ZFYVE16: variants seen among roughly 807,000 people sequenced by gnomAD.
ZFYVE16 encodes zinc finger FYVE domain-containing protein 16.
In ZFYVE16, 89 loss-of-function variants were observed where a neutral mutation model predicts 138.1. That is an observed-to-expected ratio of 0.64 (90% CI 0.54 to 0.77). The LOEUF (loss-of-function observed/expected upper bound fraction) is 0.77, where lower values mean the gene tolerates loss of function less well. Ranked by LOEUF, ZFYVE16 falls within the 30% of genes least tolerant of loss-of-function variation. The probability of loss-of-function intolerance (pLI) is 0.00; values close to 1 mark genes in which losing one functional copy is unlikely to be tolerated. For synonymous variants in ZFYVE16, 596 were observed against 618.3 expected (o/e 0.96, Z 0.53); for missense variants, 1,793 against 1,786.7 (o/e 1.00, Z -0.06).
In ZFYVE16 at chr5:80,481,334, C is replaced by T. The variant is rs1190466321; in HGVS notation, c.*3957C>T. The stretch of plus-strand genomic sequence containing the variant: ...AGGTAAGATCACAAATAGGAGGGAA[C>T]TGAAGAAAAGGAACCCTTAAATCTG... On this transcript the variant is annotated 3_prime_UTR_variant, in exon 19 of 19. Transcript: ENST00000505560. Among the ~76,000 whole-genome samples, 1 of 152,148 alleles carries T rather than the reference C, an allele frequency of 6.6e-6. No homozygotes were observed. Among genetic ancestry groups the T allele is most frequent in the African/African-American group, 2.4e-5 (1 of 41,424 alleles).
intron 1 of ZFYVE16, among the ~76,000 whole-genome samples, chr5:80,417,361 A>G (rs932095759): frequency 4.6e-5 from 7 of 152,156 alleles, no homozygotes; most frequent in Non-Finnish European, 1.0e-4. Context: ...AGGATCCCCC[A>G]TTCTCCTAAA....
At chr5:80,451,877 T>C in intron 11 of ZFYVE16, 168 bp downstream of exon 11, 1 of 621,506 alleles carries the variant, frequency 1.6e-6, no homozygotes, top group Non-Finnish European at 2.7e-6. Context: ...TTGGTCTAGA[T>C]AACTGTGGTA....
At chr5:80,456,403 A>T in intron 12 of ZFYVE16, 58 bp from the exon 13 acceptor site, 1 of 1,287,760 alleles carries the variant, frequency 7.8e-7, no homozygotes, top group Non-Finnish European at 1.1e-6. Context: ...AGAAGGATTT[A>T]ATGGATAGAA....
At chr5:80,424,226 G>A (rs907094197) in intron 1 of ZFYVE16, among the ~76,000 whole-genome samples, 6 of 152,066 alleles carry the variant, frequency 3.9e-5, no homozygotes, top group Non-Finnish European at 8.8e-5. Context: ...TTCAATATAT[G>A]CATTTTTAAT....
At chr5:80,409,928 A>G (rs1457567949) in intron 1 of ZFYVE16, 1 of 152,138 alleles carries the variant, frequency 6.6e-6, no homozygotes, top group Non-Finnish European at 1.5e-5. Flanking sequence ...TATGCGTGCT[A>G]GTGTTTTTTC....
chr5:80,438,014 CCTT>C lies in ZFYVE16; in HGVS notation c.1331_1333del (p.Leu444del). On this transcript the variant is annotated inframe_deletion, in exon 4 of 19. Transcript: ENST00000505560. ...AACAGGAAAAATGTAAAAGCATACT[CCTT>C]CAGTCATTAATTGAAGGGATGGAAG... 6.2e-7 allele frequency: 1 copy of C among 1,614,010 alleles called. No individual in the cohort carries two copies. Among genetic ancestry groups the C allele is most frequent in the South Asian group, 1.1e-5 (1 of 91,066 alleles).
intron 18 of ZFYVE16, among the ~76,000 whole-genome samples, chr5:80,476,422 A>G (rs2112564450): frequency 6.6e-6 from 1 of 152,276 alleles, no homozygotes; most frequent in South Asian, 2.1e-4. Context: ...TTGGCCTCCC[A>G]AAGTGTTGAG....
chr5:80,409,356 G>A (rs1235832779), intron 1 of ZFYVE16, among the ~76,000 whole-genome samples: 2 of 152,172 alleles, frequency 1.3e-5, no homozygotes, highest in African/African-American at 4.8e-5. Context: ...TTACATGATA[G>A]AATAGTGCTA....
rs187795660 is a variant in ZFYVE16, at chr5:80,469,131, G to T, written c.4025-3630G>T. ...TTTTTGAGACTCATTCTCACCCAGG[G>T]TCTCATTCTCACCCAGGCGGGAGTG... On this transcript the variant is annotated intron_variant, in intron 15 of 18. Transcript: ENST00000505560. 2.7e-5 allele frequency among the ~76,000 whole-genome samples: 4 copies of T among 147,288 alleles called. No individual in the cohort carries two copies. In the Admixed American group the frequency reaches 2.7e-4, roughly 10 times the overall value.
At position 80,481,305 on chromosome 5, in the gene ZFYVE16, GTA is replaced by G. The variant is rs1381025905; in HGVS notation, c.*3931_*3932del. The stretch of plus-strand genomic sequence containing the variant: ...CAAGAATGGGGTTCTAGAAACCAGA[GTA>G]TAGGTAAGATCACAAATAGGAGGGA... On this transcript the variant is annotated 3_prime_UTR_variant, in exon 19 of 19. Transcript: ENST00000505560. Among the ~76,000 whole-genome samples, 1 of 152,224 alleles carries G rather than the reference GTA, an allele frequency of 6.6e-6. No individual in the cohort carries two copies. Among genetic ancestry groups the G allele is most frequent in the Non-Finnish European group, 1.5e-5 (1 of 68,034 alleles).
Position 80,418,963 on chromosome 5 carries a change from A to G in ZFYVE16, c.-93-8529A>G, listed in dbSNP as rs528636428. 2.0e-5 allele frequency among the ~76,000 whole-genome samples: 3 copies of G among 151,946 alleles called. No homozygotes were observed. The South Asian group carries it at 6.2e-4, about 31-fold the overall frequency. Reference sequence around the variant, plus strand: ...AGGTGTAATGTCTGTGTCTAGGTTCATATTTTTCATAGAGATGTCCAGTTT... The same window carrying G: ...AGGTGTAATGTCTGTGTCTAGGTTCGTATTTTTCATAGAGATGTCCAGTTT... On this transcript the variant is annotated intron_variant, in intron 1 of 18. Transcript: ENST00000505560.
intron 14 of ZFYVE16, among the ~76,000 whole-genome samples, chr5:80,458,519 A>G (rs1330386452): frequency 2.0e-5 from 3 of 152,250 alleles, no homozygotes; most frequent in Admixed American, 6.5e-5. Flanking sequence ...TTGTTAACAC[A>G]CTTTGGAGAT....
chr5:80,464,340 A>C (rs1753453676), intron 15 of ZFYVE16, among the ~76,000 whole-genome samples: 1 of 152,162 alleles, frequency 6.6e-6, no homozygotes, highest in Non-Finnish European at 1.5e-5. Context: ...GGCGGCAGGA[A>C]GAAGTGCTGA....
chr5:80,413,821 T>TA (rs1745817402), intron 1 of ZFYVE16, among the ~76,000 whole-genome samples: 1 of 152,214 alleles, frequency 6.6e-6, no homozygotes, highest in African/African-American at 2.4e-5. Flanking sequence ...CATATTTAGA[T>TA]ATATGGCGAT....
At chr5:80,450,873 A>C (rs1039304179) in intron 10 of ZFYVE16, among the ~76,000 whole-genome samples, 17 of 143,550 alleles carry the variant, frequency 1.2e-4, no homozygotes, top group South Asian at 4.3e-4. Flanking sequence ...GTGCAGTGGC[A>C]CAATCTTGGT....
At chr5:80,472,966 A>G in intron 16 of ZFYVE16, 43 bp downstream of exon 16, 1 of 1,497,322 alleles carries the variant, frequency 6.7e-7, no homozygotes, top group South Asian at 1.3e-5. Flanking sequence ...TTTGAAGGAA[A>G]GTGCAGGATT....
At chr5:80,450,692 A>C in intron 10 of ZFYVE16, 106 bp downstream of exon 10, 1 of 1,125,064 alleles carries the variant, frequency 8.9e-7, no homozygotes, top group Non-Finnish European at 1.2e-6. Context: ...ATTTCTGTGA[A>C]GAGATTGCTG....
At position 80,422,838 on chromosome 5, in the gene ZFYVE16, T is replaced by G. The variant is rs146798304; in HGVS notation, c.-93-4654T>G. Reference sequence around the variant, plus strand: ...ATATGGTAGATTATATTGATTAATTTTGAAATGTTGAACCAGCCTTGCATA... The same window carrying G: ...ATATGGTAGATTATATTGATTAATTGTGAAATGTTGAACCAGCCTTGCATA... On this transcript the variant is annotated intron_variant, in intron 1 of 18. Transcript: ENST00000505560. 6.2e-3 allele frequency among the ~76,000 whole-genome samples: 952 copies of G among 152,358 alleles called. 10 individuals carry two copies. The highest frequency in any genetic ancestry group is 0.021 in the African/African-American group (880 of 41,582).
chr5:80,457,134 C>T, intron 14 of ZFYVE16, 42 bp downstream of exon 14: 1 of 1,591,778 alleles, frequency 6.3e-7, no homozygotes, highest in Non-Finnish European at 8.5e-7. Flanking sequence ...AAAACCACCT[C>T]AATTAATAGA....
Sources: allele counts gnomAD v4.1 joint callset (sites outside exome capture counted in the v4.1 genomes callset), GRCh38; gene constraint gnomAD v4.1.1; transcripts MANE v1.5; gene names NCBI Gene and HGNC (gene_info 2026-07-23, HGNC 2026-07-21).